The following KCNA6 variants were observed in gnomAD, a reference collection of about 807,000 sequenced individuals.
The protein encoded by KCNA6 is human brain potassium channel-2.
In KCNA6, 17 loss-of-function variants were observed where a neutral mutation model predicts 29.5. That is an observed-to-expected ratio of 0.58 (90% confidence interval 0.39 to 0.86). The LOEUF is 0.86. Ranked by LOEUF, KCNA6 falls within the 40% of genes least tolerant of loss-of-function variation. The pLI, the probability that KCNA6 is intolerant of heterozygous loss-of-function variation, is 0.00. For synonymous variants in KCNA6, 296 were observed against 304.7 expected (o/e 0.97, Z 0.30); for missense variants, 450 against 703.4 (o/e 0.64, Z 4.07).
chr12:4,811,666 G>A lies in KCNA6; in HGVS notation c.*35G>A. ...GCAGGGCCTGCAGGAGGGGAGCACT[G>A]AGCTAACAGTCTCTTAGGCTTCCTT... On this transcript the variant is annotated 3_prime_UTR_variant, in exon 1 of 1. Coordinates refer to ENST00000280684, the Ensembl canonical transcript of KCNA6. The surrounding 1 kb of genome is among the most constrained non-coding windows in gnomAD (Gnocchi z 7.1). The A allele has an allele frequency of 6.3e-7, 1 of 1,583,878 alleles. No individual in the cohort carries two copies. The highest frequency in any genetic ancestry group is 8.6e-7 in the Non-Finnish European group (1 of 1,164,752).
chr12:4,814,288 ACTT>A (rs1372091398), downstream of KCNA6: 31 of 167,174 alleles, frequency 1.9e-4, no homozygotes, highest in African/African-American at 7.5e-4. The surrounding 1 kb of genome is among the most constrained non-coding windows in gnomAD (Gnocchi z 4.6). Flanking sequence ...AGAGGGGACA[ACTT>A]CTTGGAGTGG....
chr12:4,843,052 A>G, the KCNA6 span, among the ~76,000 whole-genome samples: 1 of 152,178 alleles, frequency 6.6e-6, no homozygotes, highest in South Asian at 2.1e-4. Flanking sequence ...ACAGAAAGGG[A>G]GGAAGAGGAT....
At chr12:4,850,577 C>T in the KCNA6 span, among the ~76,000 whole-genome samples, 1 of 152,100 alleles carries the variant, frequency 6.6e-6, no homozygotes, top group Non-Finnish European at 1.5e-5. This position sits in a 1 kb window ranked among gnomAD's most constrained non-coding sequence, Gnocchi z 5.4. Flanking sequence ...TTGAACAGAC[C>T]AGAGCACCTA....
the KCNA6 span, among the ~76,000 whole-genome samples, chr12:4,837,645 T>C: frequency 6.6e-6 from 1 of 152,114 alleles, no homozygotes; most frequent in African/African-American, 2.4e-5. Context: ...ATTGTTGTGG[T>C]GTGAGAGCAG....
chr12:4,819,165 C>T, the KCNA6 span, among the ~76,000 whole-genome samples: 2 of 152,118 alleles, frequency 1.3e-5, no homozygotes, highest in African/African-American at 2.4e-5. Context: ...AGCATATATA[C>T]GTGGAACATC....
the KCNA6 span, among the ~76,000 whole-genome samples, chr12:4,828,128 T>TAG: frequency 1.3e-5 from 2 of 151,292 alleles, no homozygotes; most frequent in Non-Finnish European, 1.5e-5. Flanking sequence ...TGTATCTCTA[T>TAG]AGAGACACTC....
At chr12:4,842,084 G>A in the KCNA6 span, among the ~76,000 whole-genome samples, 2 of 149,576 alleles carry the variant, frequency 1.3e-5, no homozygotes, top group African/African-American at 4.9e-5. Flanking sequence ...GAGGAGGAGT[G>A]GAAGGAGATG....
chr12:4,850,188 C>T, the KCNA6 span, among the ~76,000 whole-genome samples: 3 of 152,110 alleles, frequency 2.0e-5, no homozygotes, highest in Non-Finnish European at 4.4e-5. This position sits in a 1 kb window ranked among gnomAD's most constrained non-coding sequence, Gnocchi z 5.4. Flanking sequence ...GAAGGAGACT[C>T]GAGAACATTC....
At chr12:4,816,428 C>G (rs1591593158), downstream of KCNA6, among the ~76,000 whole-genome samples, 1 of 152,082 alleles carries the variant, frequency 6.6e-6, no homozygotes, top group Non-Finnish European at 1.5e-5. Context: ...ATGCACTGAA[C>G]TATGATATAT....
chr12:4,821,418 ATGTGTGTGTGTGTGTGTG>A, the KCNA6 span, among the ~76,000 whole-genome samples: 21,633 of 143,486 alleles, frequency 0.15, 1,669 homozygotes, highest in South Asian at 0.18. Context: ...ACTCACTTGG[ATGTGTGTGTGTGTGTGTG>A]TGTGTGTGTG....
downstream of KCNA6, among the ~76,000 whole-genome samples, chr12:4,818,029 C>T (rs868088720): frequency 6.6e-6 from 1 of 152,094 alleles, no homozygotes; most frequent in Non-Finnish European, 1.5e-5. Context: ...CCGCTGTCTC[C>T]AGGAGACAGA....
chr12:4,843,402 A>C, the KCNA6 span, among the ~76,000 whole-genome samples: 1 of 151,824 alleles, frequency 6.6e-6, no homozygotes, highest in Non-Finnish European at 1.5e-5. Context: ...GGATGGTCTC[A>C]ATCTCCTGAC....
the KCNA6 span, among the ~76,000 whole-genome samples, chr12:4,825,906 A>C: frequency 6.6e-6 from 1 of 152,258 alleles, no homozygotes; most frequent in Non-Finnish European, 1.5e-5. Flanking sequence ...TAACCAAATC[A>C]AAAATTGTAA....
the KCNA6 span, among the ~76,000 whole-genome samples, chr12:4,822,777 G>C: frequency 1.3e-5 from 2 of 152,222 alleles, no homozygotes; most frequent in African/African-American, 4.8e-5. Flanking sequence ...TGGCTTTCCT[G>C]ATAATGACTG....
the KCNA6 span, among the ~76,000 whole-genome samples, chr12:4,840,046 G>A: frequency 4.1e-3 from 626 of 152,228 alleles, 5 homozygotes; most frequent in African/African-American, 0.015. Flanking sequence ...AGTTATAATG[G>A]ATGGCTATGG....
the KCNA6 span, among the ~76,000 whole-genome samples, chr12:4,829,113 T>G: frequency 6.6e-6 from 1 of 151,772 alleles, no homozygotes; most frequent in Admixed American, 6.6e-5. Context: ...AATAAAGCAC[T>G]CATAATTGAT....
chr12:4,820,546 A>AACACACACACACAC, the KCNA6 span, among the ~76,000 whole-genome samples: 2,497 of 134,704 alleles, frequency 0.019, 38 homozygotes, highest in African/African-American at 0.023. Context: ...GGATTACCTA[A>AACACACACACACAC]ACACACACAC....
At chr12:4,822,096 A>G in the KCNA6 span, among the ~76,000 whole-genome samples, 1 of 152,072 alleles carries the variant, frequency 6.6e-6, no homozygotes, top group Non-Finnish European at 1.5e-5. Flanking sequence ...TGGCCTCCCA[A>G]AGTGTTGGGA....
Position 4,810,732 on chromosome 12 carries a change from T to C in KCNA6, c.691T>C (p.Ser231Pro). ...GGAGGAAGAGGAGGATGAAGACGATTCCTACACATTTCATCATGGCATCAC... is the reference window on the plus strand; with the variant it reads ...GGAGGAAGAGGAGGATGAAGACGATCCCTACACATTTCATCATGGCATCAC... Residue 231 changes from serine (S) to proline (P), a missense_variant, in exon 1 of 1, where the codon TCC becomes CCC. Transcript: ENST00000280684. This position sits in a 1 kb window ranked among gnomAD's most constrained non-coding sequence, Gnocchi z 7.5. The C allele has an allele frequency of 6.2e-7, 1 of 1,611,978 alleles. No individual in the cohort carries two copies. The highest frequency in any genetic ancestry group is 8.5e-7 in the Non-Finnish European group (1 of 1,178,852).
Sources: allele counts gnomAD v4.1 joint callset (sites outside exome capture counted in the v4.1 genomes callset), GRCh38; gene constraint gnomAD v4.1.1; non-coding constraint Gnocchi (gnomAD v3.1); transcripts MANE v1.5; gene names NCBI Gene and HGNC (gene_info 2026-07-23, HGNC 2026-07-21).